IGSF9B: variants seen among roughly 807,000 people sequenced by gnomAD.
The protein encoded by IGSF9B is immunoglobulin superfamily member 9B.
In IGSF9B, 48 loss-of-function variants were observed where a neutral mutation model predicts 143.7. The ratio of observed to expected loss-of-function variants is 0.33; its 90% confidence interval spans 0.26 to 0.42. The LOEUF (loss-of-function observed/expected upper bound fraction) is 0.42, where lower values mean the gene tolerates loss of function less well. IGSF9B is among the 20% of genes least tolerant of loss of function. The probability of loss-of-function intolerance (pLI) is 1.00; values close to 1 mark genes in which losing one functional copy is unlikely to be tolerated. For missense variants in IGSF9B, 1,706 were observed against 1,980.0 expected (o/e 0.86, Z 2.63); for synonymous variants, 903 against 833.1 (o/e 1.08, Z -1.44).
chr11:133,922,491 TA>T, intron 16 of IGSF9B, 77 bp downstream of exon 16: 2 of 1,428,736 alleles, frequency 1.4e-6, no homozygotes, highest in Non-Finnish European at 1.9e-6. Context: ...GGGGCCATGC[TA>T]AAAATGGTCC....
intron 1 of IGSF9B, among the ~76,000 whole-genome samples, chr11:133,949,387 C>A (rs542440785): frequency 2.8e-4 from 42 of 152,296 alleles, no homozygotes; most frequent in Admixed American, 5.2e-4. Context: ...GCACTTCTCC[C>A]TAAGCCTGAT....
rs137946358 is a variant in IGSF9B at position 133,925,691 on chromosome 11, C to T, written c.2034+48G>A. The T allele has an allele frequency of 1.1e-5, 17 of 1,521,946 alleles. No individual in the cohort carries two copies. The South Asian group carries it at 1.5e-4, about 14-fold the overall frequency. The allele number at this position is 1,521,946 out of a possible 1,614,324, so 94.3% of individuals were successfully genotyped here. ...GCTTCCAGTGCCTCTAGAGTCTTGT[C>T]GCTTCCCGGATTTGGGAAGCAGCAG... On this transcript the variant is annotated intron_variant, in intron 14 of 19. Coordinates refer to ENST00000533871, the MANE Select transcript of IGSF9B (RefSeq NM_001277285.4).
intron 18 of IGSF9B, among the ~76,000 whole-genome samples, chr11:133,918,055 G>C (rs1939424405): frequency 6.6e-6 from 1 of 151,772 alleles, no homozygotes; most frequent in Non-Finnish European, 1.5e-5. Context: ...ACGGGGGGTG[G>C]GGGGCAGAAG....
intron 1 of IGSF9B, chr11:133,952,198 C>A (rs1940173557): frequency 2.6e-6 from 1 of 388,098 alleles, no homozygotes; most frequent in African/African-American, 2.1e-5. Flanking sequence ...AAAAATAGGT[C>A]AGCTGCCTCC....
In IGSF9B at chr11:133,905,946, C is replaced by T. The variant is rs1418473934; in HGVS notation, c.*3123G>A. On this transcript the variant is annotated 3_prime_UTR_variant, in exon 20 of 20. Coordinates refer to ENST00000533871, the MANE Select transcript of IGSF9B (RefSeq NM_001277285.4). This position sits in a 1 kb window ranked among gnomAD's most constrained non-coding sequence, Gnocchi z 4.0. The stretch of plus-strand genomic sequence containing the variant: ...CCAGGCCCCGCTAAGAACCGTTTTC[C>T]CCTCTTCCTGGTCTGTGGGTCACCT... Among the ~76,000 whole-genome samples the T allele has an allele frequency of 2.0e-5, 3 of 152,240 alleles. No homozygotes were observed. The highest frequency in any genetic ancestry group is 2.9e-5 in the Non-Finnish European group (2 of 68,046).
chr11:133,931,443 G>A lies in IGSF9B; in HGVS notation c.1368+10C>T, dbSNP rs1939728019. 6.3e-7 allele frequency: 1 copy of A among 1,595,414 alleles called. No homozygotes were observed. The highest frequency in any genetic ancestry group is 8.6e-7 in the Non-Finnish European group (1 of 1,164,140). Reference sequence around the variant, plus strand: ...CTCCCTGCAGACCCAGGGCTCCAGGGCCCAGGTACCTTTCTCCAAGTGATG... The same window carrying A: ...CTCCCTGCAGACCCAGGGCTCCAGGACCCAGGTACCTTTCTCCAAGTGATG... On this transcript the variant is annotated intron_variant, in intron 10 of 19. Coordinates refer to ENST00000533871, the MANE Select transcript of IGSF9B (RefSeq NM_001277285.4). The surrounding 1 kb of genome is among the most constrained non-coding windows in gnomAD (Gnocchi z 7.7).
rs1939258613 is a variant in IGSF9B at position 133,909,010 on chromosome 11, T to C, written c.*59A>G. ...CGGAGGAGGACACACCCCCACACAG[T>C]GGCCCTCCCTGCCTGAGCCCAGCAA... On this transcript the variant is annotated 3_prime_UTR_variant, in exon 20 of 20. Coordinates refer to ENST00000533871, the MANE Select transcript of IGSF9B (RefSeq NM_001277285.4). The surrounding 1 kb of genome is among the most constrained non-coding windows in gnomAD (Gnocchi z 4.2). 14 of 1,401,238 alleles carry C rather than the reference T, an allele frequency of 1.0e-5. No homozygotes were observed. The highest frequency in any genetic ancestry group is 1.4e-5 in the Non-Finnish European group (14 of 1,028,732). The allele number at this position is 1,401,238 out of a possible 1,614,324, so 86.8% of individuals were successfully genotyped here. A position where few individuals can be genotyped will look rare whatever the true frequency, so the allele number is the denominator to read the frequency against.
In IGSF9B at chr11:133,931,991, A is replaced by AGAAATC. The variant is rs1939740043; in HGVS notation, c.1110+74_1110+79dup. On this transcript the variant is annotated intron_variant, in intron 8 of 19. Transcript: ENST00000533871. The surrounding 1 kb of genome is among the most constrained non-coding windows in gnomAD (Gnocchi z 7.7). ...TTTGGAAGGGGCCAGGAGTCCTGGC[A>AGAAATC]GAAATCCAGAGCCCAGAGGTGGCAT... 6.5e-7 allele frequency: 1 copy of AGAAATC among 1,538,248 alleles called. No homozygotes were observed. Among genetic ancestry groups the AGAAATC allele is most frequent in the Non-Finnish European group, 8.8e-7 (1 of 1,139,214 alleles).
chr11:133,925,122 G>A (rs329669), intron 14 of IGSF9B, among the ~76,000 whole-genome samples: 62,188 of 151,968 alleles, frequency 0.41, 13,056 homozygotes, highest in African/African-American at 0.48. Flanking sequence ...TGAGGTCACC[G>A]AAAGCGTTGG....
At chr11:133,935,037 G>A (rs1450332546) in intron 7 of IGSF9B, among the ~76,000 whole-genome samples, 1 of 152,254 alleles carries the variant, frequency 6.6e-6, no homozygotes, top group Non-Finnish European at 1.5e-5. Flanking sequence ...CAAGCTGAAT[G>A]GTGGTGCTTG....
rs1424587774 is a variant in IGSF9B, at chr11:133,913,183, C to T, written c.3984-1176G>A. Among the ~76,000 whole-genome samples the T allele has an allele frequency of 2.0e-5, 3 of 152,150 alleles. No individual in the cohort carries two copies. Among genetic ancestry groups the T allele is most frequent in the Non-Finnish European group, 4.4e-5 (3 of 68,040 alleles). ...GGGGCCACGGCGGACAGGCGTGCCT[C>T]GCTCTTCTTCTCCTGGACCCCCCAA... On this transcript the variant is annotated intron_variant, in intron 18 of 19. Coordinates refer to ENST00000533871, the MANE Select transcript of IGSF9B (RefSeq NM_001277285.4). This position sits in a 1 kb window ranked among gnomAD's most constrained non-coding sequence, Gnocchi z 4.6.
chr11:133,951,822 A>G, intron 1 of IGSF9B: 1 of 193,380 alleles, frequency 5.2e-6, no homozygotes, highest in Admixed American at 5.7e-5. Flanking sequence ...GCTCCGTGGT[A>G]AGATGCCAGA....
intron 17 of IGSF9B, 94 bp from the exon 18 acceptor site, chr11:133,921,491 G>A: frequency 2.1e-6 from 2 of 947,534 alleles, no homozygotes; most frequent in Non-Finnish European, 3.0e-6. Flanking sequence ...CCAGCACCCA[G>A]GATCCTCACG....
chr11:133,921,708 C>A (rs1361692501), intron 17 of IGSF9B, among the ~76,000 whole-genome samples: 1 of 152,098 alleles, frequency 6.6e-6, no homozygotes, highest in African/African-American at 2.4e-5. Flanking sequence ...CGGCCCCCCC[C>A]ATCATCCGTC....
At position 133,899,490 on chromosome 11, in the gene IGSF9B, G is replaced by A. The variant is rs1380752284; in HGVS notation, c.*9579C>T. On this transcript the variant is annotated 3_prime_UTR_variant, in exon 20 of 20. Transcript: ENST00000533871. ...TGTACAATTTCAAGGTAGGGGCTAT[G>A]GCCCCATCTTCCCTTTCCCTCCCCA... is the stretch of plus-strand genomic sequence containing the variant. 2 of 152,330 alleles carry A rather than the reference G, an allele frequency of 1.3e-5. No individual in the cohort carries two copies. Among genetic ancestry groups the A allele is most frequent in the South Asian group, 2.1e-4 (1 of 4,832 alleles). The allele number at this position is 152,330 out of a possible 1,614,324, so 9.4% of individuals were successfully genotyped here. A position where few individuals can be genotyped will look rare whatever the true frequency, so the allele number is the denominator to read the frequency against.
At chr11:133,929,899 C>T (rs1469332970) in intron 11 of IGSF9B, 117 bp from the exon 12 acceptor site, 2 of 667,344 alleles carry the variant, frequency 3.0e-6, no homozygotes, top group Admixed American at 4.8e-5. Context: ...GAGCACAATA[C>T]TGCAAGTGAA....
intron 18 of IGSF9B, 101 bp downstream of exon 18, chr11:133,919,631 TGTCCGCACGA>T (rs1437301950): frequency 1.4e-6 from 1 of 691,004 alleles, no homozygotes; most frequent in African/African-American, 1.9e-5. Context: ...CGGTGCGGCA[TGTCCGCACGA>T]GCCCTGTCGC....
chr11:133,933,194 C>T (rs1409028118), intron 7 of IGSF9B, among the ~76,000 whole-genome samples: 1 of 152,160 alleles, frequency 6.6e-6, no homozygotes, highest in Non-Finnish European at 1.5e-5. Flanking sequence ...GGACCTCACC[C>T]GTTGAACGAG....
In IGSF9B at chr11:133,948,280, C is replaced by T. The variant is rs1422693228; in HGVS notation, c.65-2022G>A. On this transcript the variant is annotated intron_variant, in intron 1 of 19. Transcript: ENST00000533871. This position sits in a 1 kb window ranked among gnomAD's most constrained non-coding sequence, Gnocchi z 4.7. ...GTTGCGGAAGAGGGAGGAGGCAAGC[C>T]CTTCCAGAAGCTGATTGGCTCCCGG... Among the ~76,000 whole-genome samples the T allele has an allele frequency of 6.6e-6, 1 of 152,118 alleles. No individual in the cohort carries two copies. Among genetic ancestry groups the T allele is most frequent in the Non-Finnish European group, 1.5e-5 (1 of 68,032 alleles).
Sources: allele counts gnomAD v4.1 joint callset (sites outside exome capture counted in the v4.1 genomes callset), GRCh38; gene constraint gnomAD v4.1.1; non-coding constraint Gnocchi (gnomAD v3.1); transcripts MANE v1.5; gene names NCBI Gene and HGNC (gene_info 2026-07-23, HGNC 2026-07-21).